TSPAN16: variants seen among roughly 807,000 people sequenced by gnomAD.
The protein encoded by TSPAN16 is tetraspanin 16.
TSPAN16 carries 23 observed loss-of-function variants against 25.2 expected under a neutral mutation model. The observed-to-expected ratio is 0.91, with a 90% CI of 0.66 to 1.29. The LOEUF is 1.29. TSPAN16 is among the 50% of genes most tolerant of loss of function. TSPAN16 has a pLI of 0.00. For synonymous variants in TSPAN16, 123 were observed against 124.4 expected (o/e 0.99, Z 0.08); for missense variants, 272 against 299.9 (o/e 0.91, Z 0.69).
downstream of TSPAN16, among the ~76,000 whole-genome samples, chr19:11,320,946 A>T (rs543847928): frequency 6.6e-6 from 1 of 152,098 alleles, no homozygotes; most frequent in Non-Finnish European, 1.5e-5. Context: ...CAAGGTGGGC[A>T]GATCATGAGG....
At chr19:11,312,258 T>C in intron 6 of TSPAN16, 36 bp downstream of exon 6, 2 of 1,500,156 alleles carry the variant, frequency 1.3e-6, no homozygotes, top group Non-Finnish European at 1.8e-6. Context: ...TTGAGCTGTT[T>C]TATTAAGCAC....
At chr19:11,297,005 C>T (rs1025669416) in intron 1 of TSPAN16, among the ~76,000 whole-genome samples, 5 of 152,142 alleles carry the variant, frequency 3.3e-5, no homozygotes, top group African/African-American at 1.2e-4. Context: ...TGTGTCACTG[C>T]ACTCCAGCCT....
downstream of TSPAN16, among the ~76,000 whole-genome samples, chr19:11,316,278 C>T (rs572622377): frequency 6.6e-6 from 1 of 152,068 alleles, no homozygotes; most frequent in South Asian, 2.1e-4. Context: ...GCTACCATGC[C>T]CAGCTAATTT....
exon 7 of TSPAN16, chr19:11,326,848 G>T (rs1432276682): frequency 4.6e-6 from 3 of 652,904 alleles, no homozygotes; most frequent in South Asian, 3.3e-5. Context: ...GGCCTAAAGC[G>T]ATCCCCCCGC....
chr19:11,309,151 G>A (rs2080662325), intron 5 of TSPAN16, among the ~76,000 whole-genome samples: 1 of 151,862 alleles, frequency 6.6e-6, no homozygotes, highest in Admixed American at 6.6e-5. Context: ...CAAGGCTGCA[G>A]TGAGCCGTGA....
intron 5 of TSPAN16, among the ~76,000 whole-genome samples, chr19:11,307,307 A>G (rs528276441): frequency 1.4e-5 from 2 of 143,780 alleles, no homozygotes; most frequent in East Asian, 4.2e-4. Flanking sequence ...TTTACTAGAG[A>G]TGGGGTTTCC....
At chr19:11,299,062 C>T in intron 3 of TSPAN16, 116 bp downstream of exon 3, 1 of 1,020,564 alleles carries the variant, frequency 9.8e-7, no homozygotes, top group East Asian at 2.4e-5. Flanking sequence ...GGTGGATCAC[C>T]TGAGGTCATG....
chr19:11,310,249 G>C (rs1447658320), intron 5 of TSPAN16, among the ~76,000 whole-genome samples: 1 of 147,170 alleles, frequency 6.8e-6, no homozygotes, highest in Non-Finnish European at 1.5e-5. Flanking sequence ...AAGAAGGCCG[G>C]GTGTGGTGGC....
At chr19:11,303,577 T>TAA (rs1322861353) in intron 4 of TSPAN16, among the ~76,000 whole-genome samples, 35 of 78,308 alleles carry the variant, frequency 4.5e-4, no homozygotes, top group Admixed American at 1.4e-3. Flanking sequence ...ATAAATAAAT[T>TAA]AAAAAAAAAA....
chr19:11,320,122 C>CTTTTTTT (rs373015307), downstream of TSPAN16, among the ~76,000 whole-genome samples: 45 of 106,790 alleles, frequency 4.2e-4, 2 homozygotes, highest in African/African-American at 1.8e-3. Flanking sequence ...CCGGCCAGGA[C>CTTTTTTT]TTTTTTTTTT....
chr19:11,301,884 C>T (rs532924941), intron 4 of TSPAN16, among the ~76,000 whole-genome samples: 5 of 150,460 alleles, frequency 3.3e-5, no homozygotes, highest in Middle Eastern at 3.4e-3. Flanking sequence ...AGTGCAGTGG[C>T]GCAATCTCAG....
chr19:11,322,241 G>A (rs1467062790), intron 6 of TSPAN16: 1 of 151,856 alleles, frequency 6.6e-6, no homozygotes, highest in African/African-American at 2.4e-5. Flanking sequence ...GAATTATCCC[G>A]TTAACACTGA....
chr19:11,306,870 C>A, intron 5 of TSPAN16, 114 bp downstream of exon 5: 4 of 1,097,658 alleles, frequency 3.6e-6, no homozygotes, highest in Non-Finnish European at 5.1e-6. Flanking sequence ...GGCTGGAGTG[C>A]AGTGGTGCGA....
intron 4 of TSPAN16, among the ~76,000 whole-genome samples, chr19:11,302,100 A>G (rs2080557674): frequency 6.6e-6 from 1 of 152,156 alleles, no homozygotes; most frequent in Admixed American, 6.6e-5. Context: ...CTGGGATTAT[A>G]GGCGTGAGCC....
At position 11,315,869 on chromosome 19, in the gene TSPAN16, G is replaced by C. The variant is rs550277361; in HGVS notation, c.*31G>C. The stretch of plus-strand genomic sequence containing the variant: ...AGGCCTGGAGAAGATGAGACACCTG[G>C]GCCCATCTGGCTGCTGGAGATTCAG... On this transcript the variant is annotated 3_prime_UTR_variant, in exon 7 of 7. Transcript: ENST00000590327. The C allele has an allele frequency of 1.8e-5, 22 of 1,231,734 alleles. No homozygotes were observed. In the South Asian group the frequency reaches 8.2e-4, roughly 46 times the overall value. 76.3% of individuals were successfully genotyped at this position (1,231,734 alleles called of 1,614,324 possible). A position where few individuals can be genotyped will look rare whatever the true frequency, so the allele number is the denominator to read the frequency against.
chr19:11,310,018 T>C (rs565612306), intron 5 of TSPAN16, among the ~76,000 whole-genome samples: 1 of 152,080 alleles, frequency 6.6e-6, no homozygotes, highest in South Asian at 2.1e-4. Context: ...CGCAGGAGGA[T>C]TGCTTGAACC....
intron 6 of TSPAN16, among the ~76,000 whole-genome samples, chr19:11,314,457 C>A (rs1014130127): frequency 6.6e-6 from 1 of 152,160 alleles, no homozygotes. Flanking sequence ...GTCTTTTCTG[C>A]AAATCGCCAC....
rs1170240577 is a variant in TSPAN16, at chr19:11,325,378, T to TG, written c.688-1410dup. ...CCTGCCGAGGCAGGAGAGGGGTGGG[T>TG]GGGGGGTTGGGGGCCATCTCTAGCA... On this transcript the variant is annotated intron_variant, in intron 6 of 6. Coordinates refer to the TSPAN16 transcript ENST00000316737. 7 of 1,083,208 alleles carry TG rather than the reference T, an allele frequency of 6.5e-6. No individual in the cohort carries two copies. The African/African-American group carries it at 1.6e-4, about 24-fold the overall frequency. The allele number at this position is 1,083,208 out of a possible 1,614,324, so 67.1% of individuals were successfully genotyped here.
At chr19:11,325,216 G>T (rs943344908) in intron 6 of TSPAN16, 28 of 559,658 alleles carry the variant, frequency 5.0e-5, no homozygotes, top group South Asian at 1.5e-4. Context: ...TCCCACCGGG[G>T]CTGCCTGAGG....
Sources: gnomAD v4.1 joint callset for allele counts (sites outside exome capture counted in the v4.1 genomes callset) on GRCh38, gnomAD v4.1.1 for gene constraint, MANE v1.5 for transcripts, NCBI Gene and HGNC (gene_info 2026-07-23, HGNC 2026-07-21) for gene names.